OR1J1: variants seen among roughly 807,000 people sequenced by gnomAD.
OR1J1 encodes olfactory receptor 1J1.
For missense variants in OR1J1, 392 were observed against 393.9 expected, an observed-to-expected ratio of 1.00 and a Z score of 0.04; for synonymous variants, 165 against 157.2, an observed-to-expected ratio of 1.05 and a Z score of -0.37.
rs751470362 is a variant in OR1J1 at position 122,477,379 on chromosome 9, G to A, written c.548C>T (p.Ala183Val). 1 of 1,614,050 alleles carries A rather than the reference G, an allele frequency of 6.2e-7. No individual in the cohort carries two copies. The highest frequency in any genetic ancestry group is 2.2e-5 in the East Asian group (1 of 44,854). The stretch of plus-strand genomic sequence containing the variant: ...GTCTGAGCAGGACAACTTGAGCAGG[G>A]CACCAAGGTCACAGAAGTAGTGAGG... ...IIPHYFCDLG[A>V]LLKLSCSDTS... The change falls in exon 1 of 1, where the codon GCC becomes GTC. Residue 183 changes from alanine (A) to valine (V), a missense_variant. By Grantham distance (64) the Ala-to-Val change is moderately conservative (BLOSUM62 0). Coordinates refer to ENST00000259357, the MANE Select transcript of OR1J1 (RefSeq NM_001004451.1).
At position 122,477,369 on chromosome 9, in the gene OR1J1, C is replaced by G. The variant is rs1653779524; in HGVS notation, c.558G>C (p.Lys186Asn). ...HYFCDLGALL[K>N]LSCSDTSLNQ... The stretch of plus-strand genomic sequence containing the variant: ...TGAGGGAGGTGTCTGAGCAGGACAA[C>G]TTGAGCAGGGCACCAAGGTCACAGA... The change falls in exon 1 of 1, where the codon AAG (lysine) becomes AAC (asparagine). Residue 186 changes from lysine (K) to asparagine (N), a missense_variant. By Grantham distance (94) the Lys-to-Asn change is moderately conservative. Transcript: ENST00000259357. The G allele has an allele frequency of 1.2e-6, 2 of 1,613,992 alleles. No homozygotes were observed. Among genetic ancestry groups the G allele is most frequent in the Non-Finnish European group, 1.7e-6 (2 of 1,180,004 alleles).
Position 122,477,787 on chromosome 9 carries a change from A to C in OR1J1, c.140T>G (p.Leu47Arg). Residue 47 changes from leucine (L) to arginine (R), a missense_variant, in exon 1 of 1, where the codon CTG (leucine) becomes CGG (arginine). Transcript: ENST00000259357. ...AAGGTGAGAGTCTAGCTGGATGAGC[A>C]GCATGATGAGCAGGTTCCCCAGCAC... Reference protein sequence around the residue: ...TTVLGNLLIMLLIQLDSHLHT... With the variant: ...TTVLGNLLIMRLIQLDSHLHT... The C allele has an allele frequency of 6.2e-7, 1 of 1,613,990 alleles. No homozygotes were observed.
rs751851609 is a variant in OR1J1, at chr9:122,477,902, C to T, written c.25G>A (p.Val9Met). The change falls in exon 1 of 1, where the codon GTG becomes ATG. Residue 9 changes from valine (V) to methionine (M), a missense_variant. By Grantham distance (21) the Val-to-Met change is conservative (BLOSUM62 1). Transcript: ENST00000259357. MSPENQSS[V>M]SEFLLLGLPI... ...AGGCCCAGGAGGAGGAACTCGGACA[C>T]GCTGCTCTGGTTCTCAGGGCTCATG... 33 of 1,605,998 alleles carry T rather than the reference C, an allele frequency of 2.1e-5. No individual in the cohort carries two copies. Among genetic ancestry groups the T allele is most frequent in the African/African-American group, 6.7e-5 (5 of 74,678 alleles).
Position 122,476,988 on chromosome 9 carries a change from A to G in OR1J1, c.939T>C (p.His313=), listed in dbSNP as rs766798552. 1.1e-5 allele frequency: 18 copies of G among 1,565,744 alleles called. No individual in the cohort carries two copies. The highest frequency in any genetic ancestry group is 6.7e-5 in the Admixed American group (4 of 59,920). The part of the protein sequence containing the change: ...KLLSRSGAVA[H]ACNLNTLGG ...CTCCCAAAGTGTTGAGATTACAGGCATGAGCCACTGCGCCTGACCTACTCA... is the reference window on the plus strand; with the variant it reads ...CTCCCAAAGTGTTGAGATTACAGGCGTGAGCCACTGCGCCTGACCTACTCA... Residue 313 remains histidine, a synonymous_variant, in exon 1 of 1, where the codon CAT becomes CAC. Coordinates refer to ENST00000259357, the MANE Select transcript of OR1J1 (RefSeq NM_001004451.1).
chr9:122,477,683 G>A lies in OR1J1; in HGVS notation c.244C>T (p.Leu82=). ...AGGTGCTGAGTCTGCATGTTCATCA[G>A]CATCTTAGGGACAGTGACAGATGAA... ...SFSSVTVPKM[L]MNMQTQHLAV... is the part of the protein sequence containing the mutation. The change falls in exon 1 of 1, where the codon CTG becomes TTG. Residue 82 remains leucine, a synonymous_variant. Coordinates refer to ENST00000259357, the MANE Select transcript of OR1J1 (RefSeq NM_001004451.1). 1 of 1,614,236 alleles carries A rather than the reference G, an allele frequency of 6.2e-7. No individual in the cohort carries two copies.
In OR1J1 at chr9:122,477,547, C is replaced by G; in HGVS notation, c.380G>C (p.Cys127Ser). ...GATGGTGGCATAATGTAGAGGATGA[C>G]AGATGGCCACATACCTGTCATATGC... ...SMAYDRYVAICHPLHYATIMT... is the reference protein window; with the variant it reads ...SMAYDRYVAISHPLHYATIMT... The change falls in exon 1 of 1, where the codon TGT becomes TCT. Residue 127 changes from cysteine (C) to serine (S), a missense_variant. Transcript: ENST00000259357. 1 of 1,614,178 alleles carries G rather than the reference C, an allele frequency of 6.2e-7. No homozygotes were observed. Among genetic ancestry groups the G allele is most frequent in the African/African-American group, 1.3e-5 (1 of 75,038 alleles).
In OR1J1 at chr9:122,477,202, C is replaced by T. The variant is rs867968386; in HGVS notation, c.725G>A (p.Gly242Glu). Residue 242 changes from glycine to glutamate, a missense_variant, in exon 1 of 1, where the codon GGA (glycine) becomes GAA (glutamate). Physicochemically the swap from Gly to Glu is moderately conservative, Grantham distance 98 (BLOSUM62 -2). Coordinates refer to ENST00000259357, the MANE Select transcript of OR1J1 (RefSeq NM_001004451.1). ...KGICKALSTC[G>E]SHLSVVTIYY... ...GATAGTCACCACTGAGAGGTGGGATCCACAAGTGGACAAGGCTTTGCATAT... is the reference window on the plus strand; with the variant it reads ...GATAGTCACCACTGAGAGGTGGGATTCACAAGTGGACAAGGCTTTGCATAT... 6.2e-7 allele frequency: 1 copy of T among 1,614,090 alleles called. No homozygotes were observed. Among genetic ancestry groups the T allele is most frequent in the South Asian group, 1.1e-5 (1 of 91,070 alleles).
At position 122,477,588 on chromosome 9, in the gene OR1J1, G is replaced by A. The variant is rs771008540; in HGVS notation, c.339C>T (p.Phe113=). The A allele has an allele frequency of 2.5e-6, 4 of 1,614,184 alleles. No individual in the cohort carries two copies. Among genetic ancestry groups the A allele is most frequent in the Non-Finnish European group, 2.5e-6 (3 of 1,180,014 alleles). ...FFIFFADLDS[F]LITSMAYDRY... ...TGTCATATGCCATTGAAGTGATAAG[G>A]AAACTGTCTAAGTCAGCAAAAAATA... Residue 113 remains phenylalanine, a synonymous_variant, in exon 1 of 1, where the codon TTC becomes TTT. Coordinates refer to ENST00000259357, the MANE Select transcript of OR1J1 (RefSeq NM_001004451.1).
chr9:122,477,702 A>G lies in OR1J1; in HGVS notation c.225T>C (p.Ser75=), dbSNP rs779044004. 5.0e-6 allele frequency: 8 copies of G among 1,614,212 alleles called. No homozygotes were observed. The highest frequency in any genetic ancestry group is 6.8e-6 in the Non-Finnish European group (8 of 1,180,026). ...HLALTDISFS[S]VTVPKMLMNM... is the part of the protein sequence containing the mutation. ...TCATCAGCATCTTAGGGACAGTGAC[A>G]GATGAAAAGGAGATGTCAGTGAGGG... The change falls in exon 1 of 1, where the codon TCT becomes TCC. Residue 75 remains serine (S), a synonymous_variant. Transcript: ENST00000259357.
At position 122,477,127 on chromosome 9, in the gene OR1J1, G is replaced by C. The variant is rs1308783197; in HGVS notation, c.800C>G (p.Thr267Ser). The C allele has an allele frequency of 1.9e-6, 3 of 1,613,990 alleles. No individual in the cohort carries two copies. Among genetic ancestry groups the C allele is most frequent in the South Asian group, 2.2e-5 (2 of 91,084 alleles). ...GLYFLPPSSNTNDKNIIASVI... is the reference protein window; with the variant it reads ...GLYFLPPSSNSNDKNIIASVI... ...TGAAGCAATTATGTTCTTGTCATTG[G>C]TGTTGCTGGATGGGGGAAGAAAATA... The change falls in exon 1 of 1, where the codon ACC (threonine) becomes AGC (serine). Residue 267 changes from threonine to serine, a missense_variant. Physicochemically the swap from Thr to Ser is moderately conservative, Grantham distance 58. Coordinates refer to ENST00000259357, the MANE Select transcript of OR1J1 (RefSeq NM_001004451.1).
At position 122,477,171 on chromosome 9, in the gene OR1J1, A is replaced by G. The variant is rs1839576036; in HGVS notation, c.756T>C (p.Tyr252=). The G allele has an allele frequency of 6.2e-7, 1 of 1,614,234 alleles. No individual in the cohort carries two copies. The highest frequency in any genetic ancestry group is 8.5e-7 in the Non-Finnish European group (1 of 1,180,040). The stretch of plus-strand genomic sequence containing the variant: ...GAAAATAGAGACCAATAATTGTCCG[A>G]TAATAGATAGTCACCACTGAGAGGT... ...GSHLSVVTIY[Y]RTIIGLYFLP... is the part of the protein sequence containing the mutation. Residue 252 remains tyrosine, a synonymous_variant, in exon 1 of 1, where the codon TAT becomes TAC. Transcript: ENST00000259357.
Sources: gnomAD v4.1 joint callset for allele counts on GRCh38, gnomAD v4.1.1 for gene constraint, MANE v1.5 for transcripts, NCBI Gene and HGNC (gene_info 2026-07-23, HGNC 2026-07-21) for gene names.